The following HR variants were observed in gnomAD, a reference collection of about 807,000 sequenced individuals.
The protein encoded by HR is HR lysine demethylase and nuclear receptor corepressor.
A neutral mutation model predicts 128.6 loss-of-function variants in HR; 83 were observed. That is an observed-to-expected ratio of 0.65 (90% confidence interval 0.54 to 0.77). The LOEUF is 0.77. HR is among the 30% of genes least tolerant of loss of function. The pLI is 0.00. For synonymous variants in HR, 681 were observed against 658.2 expected (o/e 1.03, Z -0.53); for missense variants, 1,490 against 1,574.6 (o/e 0.95, Z 0.91).
chr8:22,122,544 G>T lies in HR; in HGVS notation c.2070C>A (p.Cys690Ter). 6.2e-7 allele frequency: 1 copy of T among 1,612,130 alleles called. No individual in the cohort carries two copies. The highest frequency in any genetic ancestry group is 8.5e-7 in the Non-Finnish European group (1 of 1,179,486). ...VWVKFDIRGH[C>*]PCQADARVWA... ...ATACCCGGGCATCAGCTTGGCAGGG[G>T]CAGTGCCCCCGGATATCAAACTTGA... is the stretch of plus-strand genomic sequence containing the variant. Residue 690 changes from cysteine to a stop codon, truncating the protein, a stop_gained, in exon 8 of 19, where the codon TGC becomes TGA. Coordinates refer to ENST00000381418, the MANE Select transcript of HR (RefSeq NM_005144.5). LOFTEE classifies it high-confidence loss of function.
chr8:22,126,712 C>G lies in HR; in HGVS notation c.1405+325G>C, dbSNP rs181606224. Among the ~76,000 whole-genome samples, 8 of 152,326 alleles carry G rather than the reference C, an allele frequency of 5.3e-5. No homozygotes were observed. The East Asian group carries it at 1.3e-3, about 26-fold the overall frequency. On this transcript the variant is annotated intron_variant, in intron 3 of 18. Coordinates refer to ENST00000381418, the MANE Select transcript of HR (RefSeq NM_005144.5). The stretch of plus-strand genomic sequence containing the variant: ...ATGAAGTAACTGAGGCCCAGAGAGG[C>G]GAAGCAACTCATCCGAGGTCACACA...
intron 8 of HR, among the ~76,000 whole-genome samples, chr8:22,121,978 G>A (rs1826766187): frequency 6.6e-6 from 1 of 152,070 alleles, no homozygotes; most frequent in Admixed American, 6.5e-5. Flanking sequence ...CCTTATACTT[G>A]TCTGTATTTT....
At chr8:22,124,285 A>G (rs972101782) in intron 5 of HR, among the ~76,000 whole-genome samples, 1 of 152,150 alleles carries the variant, frequency 6.6e-6, no homozygotes, top group Non-Finnish European at 1.5e-5. Context: ...GCTGGAGTAC[A>G]GTGGTGTGAT....
Position 22,119,175 on chromosome 8 carries a change from C to A in HR, c.3086G>T (p.Arg1029Leu), listed in dbSNP as rs746349817. The change falls in exon 15 of 19, where the codon CGG becomes CTG. Residue 1029 changes from arginine (R) to leucine (L), a missense_variant. Coordinates refer to ENST00000381418, the MANE Select transcript of HR (RefSeq NM_005144.5). ...GGCCGAGGACCTACCTTTCTGTGCCCGGTGCCAGGCAGGCAGTGGTGTGTC... is the reference window on the plus strand; with the variant it reads ...GGCCGAGGACCTACCTTTCTGTGCCAGGTGCCAGGCAGGCAGTGGTGTGTC... ...HADTPLPAWHRAQKDFLSGLD... is the reference protein window; with the variant it reads ...HADTPLPAWHLAQKDFLSGLD... 1 of 1,613,828 alleles carries A rather than the reference C, an allele frequency of 6.2e-7. No homozygotes were observed. The highest frequency in any genetic ancestry group is 8.5e-7 in the Non-Finnish European group (1 of 1,180,024).
rs775704889 is a variant in HR, at chr8:22,117,027, C to T, written c.3226G>A (p.Gly1076Arg). ...RRFLQMVCPA[G>R]AGALEPGAPG... ...GCGCCAGGCTCCAGGGCGCCTGCCC[C>T]GGCCGGGCACACCTCAAAGAAGAGA... The change falls in exon 17 of 19, where the codon GGG (glycine) becomes AGG (arginine). Residue 1076 changes from glycine to arginine, a missense_variant. Transcript: ENST00000381418. 18 of 1,505,060 alleles carry T rather than the reference C, an allele frequency of 1.2e-5. No individual in the cohort carries two copies. Among genetic ancestry groups the T allele is most frequent in the South Asian group, 9.0e-5 (7 of 78,004 alleles). 93.2% of individuals were successfully genotyped at this position (1,505,060 alleles called of 1,614,324 possible). A position where few individuals can be genotyped will look rare whatever the true frequency, so the allele number is the denominator to read the frequency against.
intron 12 of HR, 28 bp downstream of exon 12, chr8:22,120,314 C>G: frequency 6.2e-7 from 1 of 1,613,688 alleles, no homozygotes; most frequent in Non-Finnish European, 8.5e-7. Context: ...GCTCCCAGCT[C>G]CCTCTCCCCT....
chr8:22,115,815 C>G, intron 18 of HR, 53 bp from the exon 19 acceptor site: 1 of 1,536,990 alleles, frequency 6.5e-7, no homozygotes, highest in South Asian at 1.1e-5. Flanking sequence ...TGGGCCCACC[C>G]GCTGTCCCCC....
chr8:22,123,608 A>T (rs1181290398), intron 6 of HR, 41 bp downstream of exon 6: 3 of 780,832 alleles, frequency 3.8e-6, no homozygotes, highest in African/African-American at 1.7e-5. Flanking sequence ...AGTCCCCCTG[A>T]GGGCTCCATC....
At chr8:22,128,320 G>C (rs1202485744) in intron 2 of HR, 4 of 613,204 alleles carry the variant, frequency 6.5e-6, no homozygotes, top group African/African-American at 1.8e-5. Flanking sequence ...ATCCTAGGCA[G>C]ACAATGGGTG....
rs770944548 is a variant in HR at position 22,128,847 on chromosome 8, C to G, written c.324G>C (p.Leu108=). The change falls in exon 2 of 19, where the codon CTG becomes CTC. Residue 108 remains leucine (L), a synonymous_variant. Coordinates refer to ENST00000381418, the MANE Select transcript of HR (RefSeq NM_005144.5). ...RWKEAMLTHP[L]AFCGPACPPR... is the part of the protein sequence containing the mutation. ...GTGGGCACGCTGGCCCGCAGAATGC[C>G]AGCGGATGGGTAAGCATGGCCTCCT... 1 of 1,613,474 alleles carries G rather than the reference C, an allele frequency of 6.2e-7. No individual in the cohort carries two copies.
Position 22,121,145 on chromosome 8 carries a change from C to G in HR, c.2287G>C (p.Ala763Pro). 6.2e-7 allele frequency: 1 copy of G among 1,613,950 alleles called. No homozygotes were observed. Among genetic ancestry groups the G allele is most frequent in the Non-Finnish European group, 8.5e-7 (1 of 1,180,032 alleles). ...AAGCAGAGTTTGACCGCGGTAGAAG[C>G]CAGCAGTTCGCAGAGAGAAGGACAA... ...LPCPSLCELL[A>P]STAVKLCLGH... The change falls in exon 10 of 19, where the codon GCT becomes CCT. Residue 763 changes from alanine (A) to proline (P), a missense_variant. This residue lies in a region of HR where 1,060 missense variants were observed against 1,060.9 expected (regional missense o/e 1.00). Coordinates refer to ENST00000381418, the MANE Select transcript of HR (RefSeq NM_005144.5).
In HR at chr8:22,116,957, C is replaced by T. The variant is rs771604649; in HGVS notation, c.3296G>A (p.Arg1099Gln). 13 of 1,539,440 alleles carry T rather than the reference C, an allele frequency of 8.4e-6. No individual in the cohort carries two copies. The highest frequency in any genetic ancestry group is 3.9e-5 in the Admixed American group (2 of 51,320). ...CCAGCAGCTCACGCCCCACTCCTCC[C>T]GCAGGCGCCGCCGCAGCCCTGCATC... ...YLDAGLRRRLREEWGVSCWTL... is the reference protein window; with the variant it reads ...YLDAGLRRRLQEEWGVSCWTL... Residue 1099 changes from arginine (R) to glutamine (Q), a missense_variant, in exon 17 of 19, where the codon CGG becomes CAG. Transcript: ENST00000381418. This position sits in a 1 kb window ranked among gnomAD's most constrained non-coding sequence, Gnocchi z 4.2.
At chr8:22,122,346 T>C in intron 8 of HR, 147 bp downstream of exon 8, 2 of 633,216 alleles carry the variant, frequency 3.2e-6, no homozygotes, top group Non-Finnish European at 5.6e-6. Flanking sequence ...AGATCATGCA[T>C]GGCTCCTGAT....
In HR at chr8:22,123,822, C is replaced by T; in HGVS notation, c.1751-9G>A. ...CACGGCTGGCCCTTGGCCTGCTGACCACGGAGAGAACAGGGTCAGAGGGTG... is the reference window on the plus strand; with the variant it reads ...CACGGCTGGCCCTTGGCCTGCTGACTACGGAGAGAACAGGGTCAGAGGGTG... On this transcript the variant is annotated splice_polypyrimidine_tract_variant and intron_variant, in intron 5 of 18. Coordinates refer to ENST00000381418, the MANE Select transcript of HR (RefSeq NM_005144.5). The T allele has an allele frequency of 6.3e-7, 1 of 1,594,462 alleles. No homozygotes were observed. The highest frequency in any genetic ancestry group is 8.5e-7 in the Non-Finnish European group (1 of 1,173,790).
Position 22,116,246 on chromosome 8 carries a change from G to C in HR, c.3507+54C>G. 1 of 1,610,554 alleles carries C rather than the reference G, an allele frequency of 6.2e-7. No homozygotes were observed. The highest frequency in any genetic ancestry group is 8.5e-7 in the Non-Finnish European group (1 of 1,179,278). ...TATGTCCACTGCAGCTGTGGCACAG[G>C]GAGGTGGGAGGCTTGGGTAGCACAC... On this transcript the variant is annotated intron_variant, in intron 18 of 18. Coordinates refer to ENST00000381418, the MANE Select transcript of HR (RefSeq NM_005144.5). The surrounding 1 kb of genome is among the most constrained non-coding windows in gnomAD (Gnocchi z 4.2).
chr8:22,119,129 C>A, intron 15 of HR, 35 bp downstream of exon 15: 1 of 1,613,720 alleles, frequency 6.2e-7, no homozygotes, highest in Non-Finnish European at 8.5e-7. Context: ...ACCTCTGTAG[C>A]TTGTCCCCGC....
rs770444501 is a variant in HR, at chr8:22,127,554, C to T, written c.888G>A (p.Gly296=). 6.2e-7 allele frequency: 1 copy of T among 1,613,014 alleles called. No homozygotes were observed. Among genetic ancestry groups the T allele is most frequent in the Non-Finnish European group, 8.5e-7 (1 of 1,180,000 alleles). ...GGTACCCAAGGTTCCCATCGCCTGG[C>T]CCAGCCCAGACGTTGCCAAGAGTAT... The part of the protein sequence containing the change: ...LVHTLGNVWA[G]PGDGNLGYQL... Residue 296 remains glycine, a synonymous_variant, in exon 3 of 19, where the codon GGG becomes GGA. Transcript: ENST00000381418.
rs1312660105 is a variant in HR, at chr8:22,117,326, G to A, written c.3214-287C>T. ...GGGCTGGAGGCCTTTAACAGCCTCT[G>A]TGACCTCGGCCCCTCTCCTCCCTCT... On this transcript the variant is annotated intron_variant, in intron 16 of 18. Transcript: ENST00000381418. The A allele has an allele frequency of 9.2e-6, 4 of 433,220 alleles. No homozygotes were observed. The East Asian group carries it at 1.5e-4, about 16-fold the overall frequency. The allele number at this position is 433,220 out of a possible 1,614,324, so 26.8% of individuals were successfully genotyped here.
chr8:22,120,203 C>G (rs1185404367), intron 12 of HR, 30 bp from the exon 13 acceptor site: 3 of 1,592,846 alleles, frequency 1.9e-6, no homozygotes, highest in East Asian at 2.3e-5. Flanking sequence ...GGCCATTGGC[C>G]TCCTCAGCCC....
Sources: allele counts gnomAD v4.1 joint callset (sites outside exome capture counted in the v4.1 genomes callset), GRCh38; gene constraint gnomAD v4.1.1; regional missense constraint gnomAD v4.1.1; non-coding constraint Gnocchi (gnomAD v3.1); transcripts MANE v1.5; gene names NCBI Gene and HGNC (gene_info 2026-07-23, HGNC 2026-07-21).